ERBB4: variants seen among roughly 807,000 people sequenced by gnomAD.
The protein encoded by ERBB4 is receptor tyrosine-protein kinase erbB-4.
A neutral mutation model predicts 158.0 loss-of-function variants in ERBB4; 42 were observed. That is an observed-to-expected ratio of 0.27 (90% confidence interval 0.21 to 0.34). The LOEUF (loss-of-function observed/expected upper bound fraction) is 0.34. Among genes scored for constraint, ERBB4 ranks in the 10% least tolerant of loss-of-function variants. The pLI is 1.00. For missense variants in ERBB4, 1,333 were observed against 1,624.1 expected (o/e 0.82, Z 3.08); for synonymous variants, 583 against 558.7 (o/e 1.04, Z -0.61).
intron 19 of ERBB4, among the ~76,000 whole-genome samples, chr2:211,606,784 G>A (rs2068996378): frequency 6.6e-6 from 1 of 152,172 alleles, no homozygotes; most frequent in Non-Finnish European, 1.5e-5. Context: ...TTTCGTAAGA[G>A]TATAGTAGCA....
At chr2:211,759,392 T>C (rs2075356697) in intron 4 of ERBB4, among the ~76,000 whole-genome samples, 2 of 152,124 alleles carry the variant, frequency 1.3e-5, no homozygotes, top group South Asian at 4.1e-4. Flanking sequence ...ATCTCCTAAG[T>C]TGCCATGTGC....
rs2072217753 is a variant in ERBB4 at position 211,678,935 on chromosome 2, C to A, written c.1622+117G>T. ...TGAGCCGAGATCGTGCCGCTGCACT[C>A]CAGCCAGGGCGACAGAGCGAGACTC... On this transcript the variant is annotated intron_variant, in intron 13 of 27. Coordinates refer to ENST00000342788, the MANE Select transcript of ERBB4 (RefSeq NM_005235.3). 8.9e-6 allele frequency: 9 copies of A among 1,006,264 alleles called. No homozygotes were observed. In the South Asian group the frequency reaches 1.4e-4, roughly 15 times the overall value. 62.3% of individuals were successfully genotyped at this position (1,006,264 alleles called of 1,614,324 possible). A position where few individuals can be genotyped will look rare whatever the true frequency, so the allele number is the denominator to read the frequency against.
intron 2 of ERBB4, among the ~76,000 whole-genome samples, chr2:212,062,589 T>G (rs972205420): frequency 2.6e-5 from 4 of 151,988 alleles, no homozygotes; most frequent in Non-Finnish European, 5.9e-5. Flanking sequence ...GTATTTTTAG[T>G]ACAGAGGGGG....
intron 15 of ERBB4, among the ~76,000 whole-genome samples, chr2:211,664,255 C>A (rs759869129): frequency 6.6e-6 from 1 of 152,052 alleles, no homozygotes; most frequent in Non-Finnish European, 1.5e-5. Flanking sequence ...CTTAATCTGA[C>A]AGAAAATCTG....
At chr2:212,255,178 A>G (rs2084681200) in intron 1 of ERBB4, among the ~76,000 whole-genome samples, 1 of 152,192 alleles carries the variant, frequency 6.6e-6, no homozygotes, top group Admixed American at 6.5e-5. Context: ...ATTACTGAAT[A>G]CTGTACTATT....
chr2:211,760,309 C>T (rs1559493792), intron 4 of ERBB4, among the ~76,000 whole-genome samples: 1 of 152,108 alleles, frequency 6.6e-6, no homozygotes, highest in Non-Finnish European at 1.5e-5. Flanking sequence ...CAGGAGTGTG[C>T]CAAAAGCTTC....
At chr2:211,682,289 G>T (rs1452154359) in intron 12 of ERBB4, among the ~76,000 whole-genome samples, 1 of 152,110 alleles carries the variant, frequency 6.6e-6, no homozygotes, top group African/African-American at 2.4e-5. Context: ...CATTCCAAGA[G>T]TAGGAGAAAG....
chr2:211,803,040 G>C (rs1396032358), intron 3 of ERBB4, among the ~76,000 whole-genome samples: 1 of 152,170 alleles, frequency 6.6e-6, no homozygotes, highest in Non-Finnish European at 1.5e-5. Flanking sequence ...TTCACACAAT[G>C]TAGACATCCT....
intron 3 of ERBB4, among the ~76,000 whole-genome samples, chr2:211,871,328 T>A (rs188957196): frequency 2.6e-5 from 4 of 152,240 alleles, no homozygotes; most frequent in Non-Finnish European, 5.9e-5. Flanking sequence ...GCAAAATCTA[T>A]TTCTAAAATA....
At chr2:211,613,485 A>G (rs1481980455) in intron 19 of ERBB4, among the ~76,000 whole-genome samples, 2 of 151,982 alleles carry the variant, frequency 1.3e-5, no homozygotes, top group Non-Finnish European at 2.9e-5. Flanking sequence ...ACAACCTACA[A>G]AATGGGAGAA....
chr2:212,408,070 A>G (rs2091399102), intron 1 of ERBB4, among the ~76,000 whole-genome samples: 1 of 151,792 alleles, frequency 6.6e-6, no homozygotes, highest in South Asian at 2.1e-4. Context: ...GTAACATTTT[A>G]TTTTTATTTA....
intron 22 of ERBB4, among the ~76,000 whole-genome samples, 185 bp from the exon 23 acceptor site, chr2:211,424,486 G>C (rs2063583119): frequency 6.6e-6 from 1 of 151,646 alleles, no homozygotes. Context: ...CTTTGTGGGG[G>C]AATTCAATTT....
chr2:212,001,932 G>T (rs149623255), intron 2 of ERBB4, among the ~76,000 whole-genome samples: 1 of 152,074 alleles, frequency 6.6e-6, no homozygotes, highest in Non-Finnish European at 1.5e-5. Flanking sequence ...TATTAATAGC[G>T]TGACCATTAA....
chr2:211,939,628 GC>G (rs1355462126), intron 3 of ERBB4, among the ~76,000 whole-genome samples: 1 of 152,024 alleles, frequency 6.6e-6, no homozygotes, highest in Non-Finnish European at 1.5e-5. Context: ...GTCAAAAATA[GC>G]ATGCACTCTT....
chr2:211,872,090 T>C (rs200556436), intron 3 of ERBB4, among the ~76,000 whole-genome samples: 5 of 51,850 alleles, frequency 9.6e-5, no homozygotes, highest in Non-Finnish European at 2.3e-4. Context: ...ATGAATGAAT[T>C]ATTAATTTTC....
At chr2:212,029,423 C>G (rs1440340298) in intron 2 of ERBB4, among the ~76,000 whole-genome samples, 1 of 152,098 alleles carries the variant, frequency 6.6e-6, no homozygotes, top group African/African-American at 2.4e-5. Context: ...TTCTACATTT[C>G]CTAAGCAGAA....
intron 20 of ERBB4, among the ~76,000 whole-genome samples, chr2:211,537,993 AT>A (rs1284591562): frequency 1.6e-4 from 24 of 152,072 alleles, no homozygotes; most frequent in African/African-American, 5.5e-4. Context: ...AGAAATGGAA[AT>A]GACAATAATT....
At chr2:211,974,942 T>G (rs893701850) in intron 2 of ERBB4, among the ~76,000 whole-genome samples, 1 of 152,132 alleles carries the variant, frequency 6.6e-6, no homozygotes, top group Non-Finnish European at 1.5e-5. Context: ...TTAAAAAATA[T>G]TCTTCATAAT....
chr2:211,783,604 T>A (rs2076086628), intron 4 of ERBB4, among the ~76,000 whole-genome samples: 1 of 152,222 alleles, frequency 6.6e-6, no homozygotes, highest in African/African-American at 2.4e-5. Flanking sequence ...TCAAAGGCCT[T>A]TTCTGAATCT....
Sources: allele counts gnomAD v4.1 joint callset (sites outside exome capture counted in the v4.1 genomes callset), GRCh38; gene constraint gnomAD v4.1.1; transcripts MANE v1.5; gene names NCBI Gene and HGNC (gene_info 2026-07-23, HGNC 2026-07-21).